Variants in SHOC1 observed in about 807,000 individuals in gnomAD.
SHOC1 encodes the protein protein shortage in chiasmata 1 ortholog.
In SHOC1, 136 loss-of-function variants were observed where a neutral mutation model predicts 179.2. The ratio of observed to expected loss-of-function variants is 0.76; its 90% confidence interval spans 0.66 to 0.87. SHOC1 has a LOEUF of 0.87. Among genes scored for constraint, SHOC1 ranks in the 40% least tolerant of loss-of-function variants. The pLI is 0.00. For synonymous variants in SHOC1, 489 were observed against 586.6 expected (o/e 0.83, Z 2.41); for missense variants, 1,538 against 1,700.8 (o/e 0.90, Z 1.68).
intron 8 of SHOC1, among the ~76,000 whole-genome samples, chr9:111,748,815 CCTCCCTCCCTTCCTCT>C (rs1834424938): frequency 8.7e-6 from 1 of 114,770 alleles, no homozygotes; most frequent in Non-Finnish European, 1.7e-5. Flanking sequence ...TTCCTTCCTT[CCTCCCTCCCTTCCTCT>C]CTCCCTCCCT....
chr9:111,732,819 G>GT (rs1426836641), intron 12 of SHOC1, among the ~76,000 whole-genome samples: 1 of 152,132 alleles, frequency 6.6e-6, no homozygotes, highest in African/African-American at 2.4e-5. Flanking sequence ...ATAAAGAAAC[G>GT]TTTTTATGAT....
chr9:111,725,363 T>C (rs968466028), intron 13 of SHOC1, among the ~76,000 whole-genome samples: 6 of 152,194 alleles, frequency 3.9e-5, no homozygotes, highest in African/African-American at 1.4e-4. Context: ...TGGAGTGCAT[T>C]GGTATGATCT....
At chr9:111,743,577 C>T (rs1834135156) in intron 10 of SHOC1, among the ~76,000 whole-genome samples, 1 of 152,012 alleles carries the variant, frequency 6.6e-6, no homozygotes, top group East Asian at 1.9e-4. Flanking sequence ...TTCAAGTAAC[C>T]CCTTCTGTAT....
intron 22 of SHOC1, among the ~76,000 whole-genome samples, chr9:111,703,556 TTG>T (rs1832088753): frequency 6.6e-6 from 1 of 152,208 alleles, no homozygotes; most frequent in South Asian, 2.1e-4. Context: ...CACTATCTCC[TTG>T]TAATAAAAGT....
chr9:111,765,918 T>C (rs994029033), intron 5 of SHOC1, among the ~76,000 whole-genome samples: 5 of 152,066 alleles, frequency 3.3e-5, no homozygotes, highest in Non-Finnish European at 5.9e-5. Flanking sequence ...GCTGGTCTCA[T>C]GATCTGCCTG....
intron 12 of SHOC1, among the ~76,000 whole-genome samples, chr9:111,733,289 A>ATT (rs941999083): frequency 4.0e-5 from 6 of 150,118 alleles, no homozygotes; most frequent in Admixed American, 1.3e-4. Flanking sequence ...GTAGTTTATA[A>ATT]TTTTTTTTTT....
chr9:111,774,743 T>C (rs1339937487), intron 5 of SHOC1, among the ~76,000 whole-genome samples: 1 of 152,162 alleles, frequency 6.6e-6, no homozygotes, highest in Non-Finnish European at 1.5e-5. Context: ...CTAAAAATTT[T>C]ATACATAATT....
intron 3 of SHOC1, among the ~76,000 whole-genome samples, chr9:111,784,863 G>A (rs931326859): frequency 4.6e-5 from 7 of 151,882 alleles, no homozygotes; most frequent in Admixed American, 2.6e-4. Flanking sequence ...CTTTTATAAG[G>A]GTACTAATCC....
At chr9:111,728,117 A>T in intron 12 of SHOC1, 68 bp from the exon 13 acceptor site, 1 of 1,128,930 alleles carries the variant, frequency 8.9e-7, no homozygotes, top group Non-Finnish European at 1.2e-6. Flanking sequence ...TAGGTATTTG[A>T]ATAACTTTTA....
rs1833062759 is a variant in SHOC1, at chr9:111,721,737, C to CATTCTATT, written c.2131+664_2131+671dup. Among the ~76,000 whole-genome samples, 3 of 152,212 alleles carry CATTCTATT rather than the reference C, an allele frequency of 2.0e-5. No individual in the cohort carries two copies. In the South Asian group the frequency reaches 6.2e-4, roughly 32 times the overall value. On this transcript the variant is annotated intron_variant, in intron 15 of 27. Coordinates refer to ENST00000682961, the MANE Select transcript of SHOC1 (RefSeq NM_001378211.1). Reference sequence around the variant, plus strand: ...CTGTGCGAAGCTCTCTGCTCTCTAACATTCTATTTTGAACTCTTATCTGTC... The same window carrying CATTCTATT: ...CTGTGCGAAGCTCTCTGCTCTCTAACATTCTATTATTCTATTTTGAACTCTTATCTGTC...
intron 18 of SHOC1, among the ~76,000 whole-genome samples, chr9:111,712,362 T>A (rs1391636353): frequency 2.6e-5 from 4 of 152,174 alleles, no homozygotes; most frequent in Non-Finnish European, 5.9e-5. Context: ...GAGAATGGTA[T>A]GGCAATATGG....
intron 12 of SHOC1, among the ~76,000 whole-genome samples, chr9:111,732,831 G>T (rs1833644806): frequency 6.6e-6 from 1 of 152,184 alleles, no homozygotes; most frequent in Non-Finnish European, 1.5e-5. Context: ...TTTTATGATA[G>T]AAATACTCTG....
chr9:111,700,182 TGG>T, intron 23 of SHOC1, 135 bp from the exon 24 acceptor site: 1 of 470,420 alleles, frequency 2.1e-6, no homozygotes, highest in South Asian at 4.9e-5. Flanking sequence ...GGCAAATTTG[TGG>T]GGTTTTTTTT....
chr9:111,736,460 G>A (rs1413946842), intron 12 of SHOC1, among the ~76,000 whole-genome samples: 11 of 152,082 alleles, frequency 7.2e-5, no homozygotes, highest in Non-Finnish European at 8.8e-5. Context: ...AATAAGCAAG[G>A]GGGAAAGAAC....
At chr9:111,713,026 AG>A in intron 18 of SHOC1, 73 bp downstream of exon 18, 1 of 915,232 alleles carries the variant, frequency 1.1e-6, no homozygotes, top group Admixed American at 2.5e-5. Context: ...TAATTTTAAA[AG>A]CTGGTTAGAT....
intron 5 of SHOC1, among the ~76,000 whole-genome samples, chr9:111,763,084 C>T (rs1489665957): frequency 6.6e-6 from 1 of 151,494 alleles, no homozygotes; most frequent in East Asian, 1.9e-4. Flanking sequence ...AAATAGAGTA[C>T]TTATGGATAA....
At position 111,706,618 on chromosome 9, in the gene SHOC1, T is replaced by C. The variant is rs1832287832; in HGVS notation, c.2687A>G (p.Asn896Ser). ...CACTTTAAAGGCCATGTAAGGAATATTCAACTCTTTGCAGTGTTTAGTCCA... is the reference window on the plus strand; with the variant it reads ...CACTTTAAAGGCCATGTAAGGAATACTCAACTCTTTGCAGTGTTTAGTCCA... ...SCWTKHCKEL[N>S]IPYMAFKVIL... Residue 896 changes from asparagine to serine, a missense_variant, in exon 20 of 28, where the codon AAT becomes AGT. Transcript: ENST00000682961. 2 of 1,603,948 alleles carry C rather than the reference T, an allele frequency of 1.2e-6. No homozygotes were observed. Among genetic ancestry groups the C allele is most frequent in the Non-Finnish European group, 8.5e-7 (1 of 1,174,884 alleles).
intron 12 of SHOC1, among the ~76,000 whole-genome samples, chr9:111,730,913 C>T (rs1379271920): frequency 1.3e-5 from 2 of 152,182 alleles, no homozygotes; most frequent in East Asian, 3.8e-4. Flanking sequence ...TAGCCATCTT[C>T]ATCAATAATA....
At chr9:111,759,540 T>C in intron 5 of SHOC1, 1 of 1,161,334 alleles carries the variant, frequency 8.6e-7, no homozygotes, top group Non-Finnish European at 1.1e-6. Context: ...GTCTAACAGC[T>C]TTAACAGTTT....
Sources: gnomAD v4.1 joint callset for allele counts (sites outside exome capture counted in the v4.1 genomes callset) on GRCh38, gnomAD v4.1.1 for gene constraint, MANE v1.5 for transcripts, NCBI Gene and HGNC (gene_info 2026-07-23, HGNC 2026-07-21) for gene names.